PDZD9: variants seen among roughly 807,000 people sequenced by gnomAD.
The protein encoded by PDZD9 is PDZ domain-containing protein 9.
A neutral mutation model predicts 16.3 loss-of-function variants in PDZD9; 13 were observed. That is an observed-to-expected ratio of 0.80 (90% CI 0.52 to 1.27). The LOEUF (loss-of-function observed/expected upper bound fraction) is 1.27, where lower values mean the gene tolerates loss of function less well. Among genes scored for constraint, PDZD9 ranks in the 50% most tolerant of loss-of-function variants. PDZD9 has a pLI of 0.00. For synonymous variants in PDZD9, 120 were observed against 111.0 expected (o/e 1.08, Z -0.51); for missense variants, 288 against 310.9 (o/e 0.93, Z 0.55).
Position 21,983,994 on chromosome 16 carries a change from T to C in PDZD9, c.*273A>G, listed in dbSNP as rs1597973477. On this transcript the variant is annotated 3_prime_UTR_variant, in exon 4 of 4. Coordinates refer to ENST00000424898, the MANE Select transcript of PDZD9 (RefSeq NM_001363519.1). ...TCTACTATGTTCAGACATTCTGATATTGGATTTCTCTACGGCATTTTCTAA... is the reference window on the plus strand; with the variant it reads ...TCTACTATGTTCAGACATTCTGATACTGGATTTCTCTACGGCATTTTCTAA... The C allele has an allele frequency of 1.4e-5, 4 of 277,108 alleles. No homozygotes were observed. Among genetic ancestry groups the C allele is most frequent in the Admixed American group, 1.4e-4 (3 of 20,884 alleles). The allele number at this position is 277,108 out of a possible 1,614,324, so 17.2% of individuals were successfully genotyped here.
chr16:21,962,154 A>G, the PDZD9 span: 3 of 302,030 alleles, frequency 9.9e-6, no homozygotes, highest in East Asian at 6.2e-5. Flanking sequence ...CAGGTACCTC[A>G]TAAGTAGAAT....
chr16:21,961,047 T>C, the PDZD9 span, among the ~76,000 whole-genome samples: 270 of 152,198 alleles, frequency 1.8e-3, 1 homozygote, highest in African/African-American at 6.1e-3. Flanking sequence ...CCCAGACTGG[T>C]CTTGAACTCC....
chr16:21,982,383 C>G (rs1898754372), downstream of PDZD9, among the ~76,000 whole-genome samples: 1 of 152,128 alleles, frequency 6.6e-6, no homozygotes, highest in African/African-American at 2.4e-5. Flanking sequence ...AGTTAACAAT[C>G]AATGTATTTT....
At chr16:21,962,325 G>A in the PDZD9 span, 2 of 1,031,228 alleles carry the variant, frequency 1.9e-6, no homozygotes, top group African/African-American at 1.6e-5. Context: ...AATATGTGGA[G>A]TTTTGTTATA....
chr16:21,972,163 G>C, the PDZD9 span: 1 of 1,574,612 alleles, frequency 6.4e-7, no homozygotes, highest in Middle Eastern at 1.7e-4. Flanking sequence ...TGCTTTCAAA[G>C]GCTCAGTATT....
In PDZD9 at chr16:21,988,716, T is replaced by C. The variant is rs1281280939; in HGVS notation, c.287A>G (p.His96Arg). The change falls in exon 3 of 4, where the codon CAT (histidine) becomes CGT (arginine). Residue 96 changes from histidine (H) to arginine (R), a missense_variant. By Grantham distance (29) the His-to-Arg change is conservative. Transcript: ENST00000424898. ...TLREFLQLLQ[H>R]ITIGTVLQIK... ...TTGTAGCACTGTTCCAATAGTGATA[T>C]GTTGCAAAAGCTGTAAAAATTCTCG... 8 of 1,613,120 alleles carry C rather than the reference T, an allele frequency of 5.0e-6. No individual in the cohort carries two copies. Among genetic ancestry groups the C allele is most frequent in the Non-Finnish European group, 5.9e-6 (7 of 1,179,258 alleles).
At chr16:21,970,211 G>T in the PDZD9 span, among the ~76,000 whole-genome samples, 1 of 152,102 alleles carries the variant, frequency 6.6e-6, no homozygotes, top group African/African-American at 2.4e-5. Context: ...TCATTGATTG[G>T]CATTTGGGTT....
the PDZD9 span, among the ~76,000 whole-genome samples, chr16:21,965,966 G>A: frequency 6.6e-6 from 1 of 152,082 alleles, no homozygotes; most frequent in Non-Finnish European, 1.5e-5. Flanking sequence ...TTACAGGCAT[G>A]AGCCATTGCA....
chr16:21,966,195 A>T, the PDZD9 span, among the ~76,000 whole-genome samples: 4 of 152,070 alleles, frequency 2.6e-5, no homozygotes, highest in African/African-American at 9.7e-5. Flanking sequence ...CATATATATA[A>T]AATAGGTCCT....
intron 2 of PDZD9, among the ~76,000 whole-genome samples, chr16:21,989,317 A>C (rs1898965541): frequency 6.6e-6 from 1 of 152,162 alleles, no homozygotes; most frequent in African/African-American, 2.4e-5. Flanking sequence ...GTTTCTTAAT[A>C]GCAGTATATT....
chr16:21,973,564 T>A, the PDZD9 span, among the ~76,000 whole-genome samples: 1 of 152,326 alleles, frequency 6.6e-6, no homozygotes, highest in East Asian at 1.9e-4. Context: ...GTCTGCCTAA[T>A]GCCAAAGCCT....
intron 3 of PDZD9, among the ~76,000 whole-genome samples, chr16:21,986,139 T>C (rs1898871084): frequency 6.6e-6 from 1 of 152,144 alleles, no homozygotes; most frequent in Non-Finnish European, 1.5e-5. Context: ...CATGGAGAAT[T>C]TCTCCAGTGT....
the PDZD9 span, chr16:21,976,160 G>C: frequency 6.0e-3 from 9,621 of 1,612,954 alleles, 523 homozygotes; most frequent in African/African-American, 0.11. Context: ...TTTCTTATCT[G>C]TCCTAGGTTA....
chr16:21,962,466 C>G, the PDZD9 span: 5 of 1,613,894 alleles, frequency 3.1e-6, no homozygotes, highest in Middle Eastern at 3.3e-4. Context: ...TCAGTGTGAC[C>G]GCAACAAGGG....
At chr16:22,000,937 G>A (rs1267458403) in intron 1 of PDZD9, 80 bp downstream of exon 1, 5 of 1,429,328 alleles carry the variant, frequency 3.5e-6, no homozygotes, top group African/African-American at 1.4e-5. Flanking sequence ...AGAGTGCACC[G>A]TTGCCATTTT....
intron 2 of PDZD9, among the ~76,000 whole-genome samples, chr16:21,990,007 T>C (rs1898983640): frequency 6.6e-6 from 1 of 152,176 alleles, no homozygotes; most frequent in African/African-American, 2.4e-5. Flanking sequence ...GAGCTTCTAG[T>C]TGCTAGGGGT....
chr16:21,970,837 C>T, the PDZD9 span, among the ~76,000 whole-genome samples: 5 of 152,246 alleles, frequency 3.3e-5, no homozygotes, highest in Admixed American at 1.3e-4. Flanking sequence ...CCACTTGCCT[C>T]GGCCTCCCAA....
the PDZD9 span, chr16:21,962,662 G>A: frequency 6.3e-7 from 1 of 1,594,540 alleles, no homozygotes; most frequent in East Asian, 2.2e-5. Flanking sequence ...CTTACCACAA[G>A]ACCTAAAGTT....
downstream of PDZD9, among the ~76,000 whole-genome samples, chr16:21,982,100 A>G (rs1377343101): frequency 6.6e-6 from 1 of 151,954 alleles, no homozygotes; most frequent in Non-Finnish European, 1.5e-5. Flanking sequence ...TCAGCCTTCC[A>G]AAGTGCTGGG....
Sources: gnomAD v4.1 joint callset for allele counts (sites outside exome capture counted in the v4.1 genomes callset) on GRCh38, gnomAD v4.1.1 for gene constraint, MANE v1.5 for transcripts, NCBI Gene and HGNC (gene_info 2026-07-23, HGNC 2026-07-21) for gene names.